Variants in POLE observed in about 807,000 individuals in gnomAD.
POLE encodes the protein DNA polymerase epsilon, catalytic subunit.
Under a neutral mutation model 279.2 loss-of-function variants are expected in POLE, and 188 were observed. That is an observed-to-expected ratio of 0.67 (90% CI 0.60 to 0.76). The LOEUF is 0.76. Among genes scored for constraint, POLE ranks in the 30% least tolerant of loss-of-function variants. The probability of loss-of-function intolerance (pLI) is 0.00; values close to 1 mark genes in which losing one functional copy is unlikely to be tolerated. For missense variants in POLE, 2,703 were observed against 3,016.7 expected (o/e 0.90, Z 2.44); for synonymous variants, 1,214 against 1,172.5 (o/e 1.04, Z -0.72).
Position 132,657,961 on chromosome 12 carries a change from T to G in POLE, c.3285A>C (p.Pro1095=). ...EGSPVTERAI[P]LAIFQAEPTV... ...TGGGCTCTGCTTGGAAAATGGCAAGTGGGATGGCCCTGGGTAAGGAAGACA... is the reference window on the plus strand; with the variant it reads ...TGGGCTCTGCTTGGAAAATGGCAAGGGGGATGGCCCTGGGTAAGGAAGACA... The change falls in exon 27 of 49, where the codon CCA becomes CCC. Residue 1095 remains proline, a synonymous_variant. Transcript: ENST00000320574. 1 of 1,612,522 alleles carries G rather than the reference T, an allele frequency of 6.2e-7. No individual in the cohort carries two copies. The highest frequency in any genetic ancestry group is 8.5e-7 in the Non-Finnish European group (1 of 1,178,564).
At chr12:132,643,779 C>T (rs1294644115) in intron 33 of POLE, 58 bp downstream of exon 33, 1 of 1,583,092 alleles carries the variant, frequency 6.3e-7, no homozygotes, top group African/African-American at 1.3e-5. Flanking sequence ...GGTTTCTTTC[C>T]TCCATACCAC....
At position 132,676,076 on chromosome 12, in the gene POLE, C is replaced by T. The variant is rs2136013319; in HGVS notation, c.1020+18G>A. 6.5e-7 allele frequency: 1 copy of T among 1,527,378 alleles called. No homozygotes were observed. The highest frequency in any genetic ancestry group is 2.2e-5 in the East Asian group (1 of 44,516). The allele number at this position is 1,527,378 out of a possible 1,614,324, so 94.6% of individuals were successfully genotyped here. A position where few individuals can be genotyped will look rare whatever the true frequency, so the allele number is the denominator to read the frequency against. On this transcript the variant is annotated intron_variant, in intron 10 of 48. Transcript: ENST00000320574. Reference sequence around the variant, plus strand: ...CTTCCCACAATACCGGGTAGTTTCCCAAGTGATACCTCCTTACCTCATCGG... The same window carrying T: ...CTTCCCACAATACCGGGTAGTTTCCTAAGTGATACCTCCTTACCTCATCGG...
chr12:132,671,791 G>A (rs1182531388), intron 16 of POLE, among the ~76,000 whole-genome samples: 1 of 151,558 alleles, frequency 6.6e-6, no homozygotes, highest in African/African-American at 2.4e-5. Context: ...TTGTAAGTGT[G>A]CTTTCTAACC....
intron 29 of POLE, among the ~76,000 whole-genome samples, chr12:132,654,199 G>T (rs1221088933): frequency 6.6e-6 from 1 of 151,008 alleles, no homozygotes; most frequent in Non-Finnish European, 1.5e-5. Context: ...AAATCATTTG[G>T]GTTTGATGTT....
rs995579204 is a variant in POLE, at chr12:132,632,727, C to G, written c.6073G>C (p.Val2025Leu). 1.2e-6 allele frequency: 2 copies of G among 1,613,620 alleles called. No homozygotes were observed. Among genetic ancestry groups the G allele is most frequent in the Non-Finnish European group, 1.7e-6 (2 of 1,179,914 alleles). The change falls in exon 44 of 49, where the codon GTG becomes CTG. Residue 2025 changes from valine (V) to leucine (L), a missense_variant. Around this residue, in one of 5 missense-constraint regions of POLE, gnomAD observed 1,551 missense variants for 1,686.1 expected, o/e 0.92. Coordinates refer to ENST00000320574, the MANE Select transcript of POLE (RefSeq NM_006231.4). ...LRRSAPGSTP[V>L]RRRGASQLSQ... ...AGCTGGCTGGCCCCCCTCCTCCTCACGGGGGTGCTCCCTGGAGCACTGCGC... is the reference window on the plus strand; with the variant it reads ...AGCTGGCTGGCCCCCCTCCTCCTCAGGGGGGTGCTCCCTGGAGCACTGCGC...
intron 43 of POLE, chr12:132,633,588 CTG>C (rs1309447656): frequency 6.6e-6 from 1 of 152,308 alleles, no homozygotes; most frequent in East Asian, 1.9e-4. Context: ...CCGCATCCAC[CTG>C]TGTGTGCACA....
rs773875534 is a variant in POLE, at chr12:132,643,968, C to T, written c.4159G>A (p.Val1387Ile). 1.2e-6 allele frequency: 2 copies of T among 1,612,908 alleles called. No individual in the cohort carries two copies. Among genetic ancestry groups the T allele is most frequent in the Admixed American group, 1.7e-5 (1 of 59,944 alleles). ...TAGACCATGTTGGAGCGAGGAAGGA[C>T]CCGATTTACCTGGCGAGAATACGAC... The part of the protein sequence containing the change: ...EGASYRKVNR[V>I]LPRSNMVYNL... The change falls in exon 33 of 49, where the codon GTC (valine) becomes ATC (isoleucine). Residue 1387 changes from valine to isoleucine, a missense_variant. Physicochemically the swap from Val to Ile is conservative, Grantham distance 29. Around this residue, in one of 5 missense-constraint regions of POLE, gnomAD observed 1,551 missense variants for 1,686.1 expected, o/e 0.92. Transcript: ENST00000320574.
Position 132,673,181 on chromosome 12 carries a change from G to A in POLE, c.1456C>T (p.Pro486Ser), listed in dbSNP as rs1565972431. The change falls in exon 14 of 49, where the codon CCC (proline) becomes TCC (serine). Residue 486 changes from proline (P) to serine (S), a missense_variant. Physicochemically the swap from Pro to Ser is moderately conservative, Grantham distance 74. Around this residue, in one of 5 missense-constraint regions of POLE, gnomAD observed 1,011 missense variants for 1,111.7 expected, o/e 0.91. Coordinates refer to ENST00000320574, the MANE Select transcript of POLE (RefSeq NM_006231.4). ...ATGCTCACCTCGTCGGGCTCCATGG[G>A]AATAATGGTGCACAGAGCAAAGATG... is the stretch of plus-strand genomic sequence containing the variant. ...PFIFALCTII[P>S]MEPDEVLRKG... 6.2e-7 allele frequency: 1 copy of A among 1,608,140 alleles called. No homozygotes were observed. Among genetic ancestry groups the A allele is most frequent in the Non-Finnish European group, 8.5e-7 (1 of 1,174,480 alleles).
intron 29 of POLE, chr12:132,650,893 T>TTTC (rs2042409241): frequency 9.7e-6 from 1 of 102,924 alleles, no homozygotes; most frequent in Non-Finnish European, 1.9e-5. Context: ...TTTTTTTTTT[T>TTTC]GAGACAGAAT....
In POLE at chr12:132,675,951, CT is replaced by C. The variant is rs2043040950; in HGVS notation, c.1021-132del. ...TCCTGCCCCGCCCCTCCGCCCGTCT[CT>C]GGCAGAAAAGACGGTCATACCCTGA... On this transcript the variant is annotated intron_variant, in intron 10 of 48. Transcript: ENST00000320574. The surrounding 1 kb of genome is among the most constrained non-coding windows in gnomAD (Gnocchi z 4.3). 1.1e-6 allele frequency: 1 copy of C among 950,196 alleles called. No individual in the cohort carries two copies. Among genetic ancestry groups the C allele is most frequent in the South Asian group, 1.4e-5 (1 of 69,984 alleles). 58.9% of individuals were successfully genotyped at this position (950,196 alleles called of 1,614,324 possible). A position where few individuals can be genotyped will look rare whatever the true frequency, so the allele number is the denominator to read the frequency against.
intron 2 of POLE, 107 bp from the exon 3 acceptor site, chr12:132,680,794 A>G (rs2043150440): frequency 1.2e-6 from 1 of 856,756 alleles, no homozygotes; most frequent in South Asian, 1.4e-5. Flanking sequence ...AAACCCTCTC[A>G]TCTAGGTCTT....
intron 39 of POLE, among the ~76,000 whole-genome samples, chr12:132,640,684 G>C (rs1012702522): frequency 1.1e-4 from 16 of 152,266 alleles, no homozygotes; most frequent in South Asian, 4.1e-4. Context: ...GTCAAGAACA[G>C]AATGTTACAA....
Position 132,679,934 on chromosome 12 carries a change from A to T in POLE, c.423+20T>A. On this transcript the variant is annotated intron_variant, in intron 5 of 48. Transcript: ENST00000320574. ...AGACTCTGGCCTCATTTACCCCTGG[A>T]AAGTCTGGGTGATACTCACCAAGTC... 6.4e-7 allele frequency: 1 copy of T among 1,564,692 alleles called. No homozygotes were observed. Among genetic ancestry groups the T allele is most frequent in the Non-Finnish European group, 8.8e-7 (1 of 1,142,542 alleles).
chr12:132,683,801 A>G (rs1041045122), intron 1 of POLE, among the ~76,000 whole-genome samples: 1 of 152,210 alleles, frequency 6.6e-6, no homozygotes, highest in Admixed American at 6.5e-5. Flanking sequence ...CTGGGACCAT[A>G]TTTCCTCCCA....
Position 132,661,427 on chromosome 12 carries a change from T to C in POLE, c.2864+100A>G. ...CAGTAAGATCACAAGAACCCAGGTC[T>C]GTTTCTATCCTGGCTCCTGATCCAA... On this transcript the variant is annotated intron_variant, in intron 24 of 48. Transcript: ENST00000320574. The surrounding 1 kb of genome is among the most constrained non-coding windows in gnomAD (Gnocchi z 4.1). 7.7e-7 allele frequency: 1 copy of C among 1,296,708 alleles called. No homozygotes were observed. The highest frequency in any genetic ancestry group is 1.4e-5 in the South Asian group (1 of 72,240). 80.3% of individuals were successfully genotyped at this position (1,296,708 alleles called of 1,614,324 possible). A position where few individuals can be genotyped will look rare whatever the true frequency, so the allele number is the denominator to read the frequency against.
rs1214579062 is a variant in POLE, at chr12:132,634,310, A to G, written c.5880T>C (p.Asp1960=). 2.5e-6 allele frequency: 4 copies of G among 1,613,542 alleles called. No individual in the cohort carries two copies. Among genetic ancestry groups the G allele is most frequent in the Non-Finnish European group, 3.4e-6 (4 of 1,179,792 alleles). ...CCTCCGCCTCTTCCTCCTCCTCCCCATCTCTTTCCTCCTCATCGTCCTCAT... is the reference window on the plus strand; with the variant it reads ...CCTCCGCCTCTTCCTCCTCCTCCCCGTCTCTTTCCTCCTCATCGTCCTCAT... ...QENEDDEEER[D]GEEEEEAEES... Residue 1960 remains aspartate, a synonymous_variant, in exon 43 of 49, where the codon GAT becomes GAC. Coordinates refer to ENST00000320574, the MANE Select transcript of POLE (RefSeq NM_006231.4). The surrounding 1 kb of genome is among the most constrained non-coding windows in gnomAD (Gnocchi z 4.0).
At chr12:132,669,722 T>C (rs2042881313) in intron 16 of POLE, among the ~76,000 whole-genome samples, 1 of 152,112 alleles carries the variant, frequency 6.6e-6, no homozygotes, top group East Asian at 1.9e-4. Flanking sequence ...AAGGGGAGGA[T>C]GGGCTGGGAC....
At chr12:132,627,150 G>A (rs1347044372) in intron 45 of POLE, among the ~76,000 whole-genome samples, 1 of 152,136 alleles carries the variant, frequency 6.6e-6, no homozygotes, top group Non-Finnish European at 1.5e-5. Flanking sequence ...GCATGGTGGC[G>A]GGTGCACCTG....
At position 132,676,617 on chromosome 12, in the gene POLE, T is replaced by C. The variant is rs1292641487; in HGVS notation, c.838A>G (p.Lys280Glu). 1 of 1,613,962 alleles carries C rather than the reference T, an allele frequency of 6.2e-7. No individual in the cohort carries two copies. Among genetic ancestry groups the C allele is most frequent in the South Asian group, 1.1e-5 (1 of 91,070 alleles). ...GCATCAGGAAACTTGAGGGGCAGTT[T>C]GGTCGTCTCAATGTCAAATGCCAAA... ...VVLAFDIETT[K>E]LPLKFPDAET... Residue 280 changes from lysine (K) to glutamate (E), a missense_variant, in exon 9 of 49, where the codon AAA (lysine) becomes GAA (glutamate). Coordinates refer to ENST00000320574, the MANE Select transcript of POLE (RefSeq NM_006231.4).
Sources: allele counts gnomAD v4.1 joint callset (sites outside exome capture counted in the v4.1 genomes callset), GRCh38; gene constraint gnomAD v4.1.1; regional missense constraint gnomAD v4.1.1; non-coding constraint Gnocchi (gnomAD v3.1); transcripts MANE v1.5; gene names NCBI Gene and HGNC (gene_info 2026-07-23, HGNC 2026-07-21).